The following KCNH8 variants were observed in gnomAD, a reference collection of about 807,000 sequenced individuals.
KCNH8 encodes potassium voltage-gated channel subfamily H member 8, also known as voltage-gated delayed rectifier potassium channel KCNH8.
A neutral mutation model predicts 103.6 loss-of-function variants in KCNH8; 70 were observed. The ratio of observed to expected loss-of-function variants is 0.68; its 90% confidence interval spans 0.56 to 0.82. The LOEUF is 0.82. Ranked by LOEUF, KCNH8 falls within the 40% of genes least tolerant of loss-of-function variation. The pLI is 0.00. For synonymous variants in KCNH8, 498 were observed against 489.4 expected (o/e 1.02, Z -0.23); for missense variants, 1,217 against 1,329.9 (o/e 0.92, Z 1.32).
At chr3:19,163,845 T>G in intron 1 of KCNH8, among the ~76,000 whole-genome samples, 1 of 152,218 alleles carries the variant, frequency 6.6e-6, no homozygotes, top group East Asian at 1.9e-4. Flanking sequence ...ATAGTAAATC[T>G]ATTTTCTCTT....
At chr3:19,457,443 T>C (rs777209393) in intron 11 of KCNH8, among the ~76,000 whole-genome samples, 3 of 152,042 alleles carry the variant, frequency 2.0e-5, no homozygotes, top group African/African-American at 4.8e-5. Flanking sequence ...TGAGTAAATA[T>C]GCATAAAAGG....
At chr3:19,236,286 G>A (rs1313052751) in intron 1 of KCNH8, among the ~76,000 whole-genome samples, 1 of 152,162 alleles carries the variant, frequency 6.6e-6, no homozygotes, top group Non-Finnish European at 1.5e-5. Flanking sequence ...CTCCGTGTGG[G>A]GGTGGGTACA....
chr3:19,207,278 G>T (rs1471934510), intron 1 of KCNH8, among the ~76,000 whole-genome samples: 1 of 151,856 alleles, frequency 6.6e-6, no homozygotes, highest in Non-Finnish European at 1.5e-5. Context: ...CATTCAAATA[G>T]GAAATAAAAT....
intron 1 of KCNH8, among the ~76,000 whole-genome samples, chr3:19,177,099 A>G (rs2063408036): frequency 6.6e-6 from 1 of 152,106 alleles, no homozygotes; most frequent in Non-Finnish European, 1.5e-5. Flanking sequence ...TCAGCATTAT[A>G]CTTCTGAGCC....
intron 7 of KCNH8, among the ~76,000 whole-genome samples, chr3:19,426,394 A>G (rs1235594154): frequency 6.6e-6 from 1 of 151,964 alleles, no homozygotes; most frequent in East Asian, 1.9e-4. Flanking sequence ...CCAAATTAGT[A>G]GGTCAAGACT....
intron 3 of KCNH8, among the ~76,000 whole-genome samples, chr3:19,301,126 A>C (rs961623477): frequency 4.0e-5 from 6 of 151,564 alleles, no homozygotes; most frequent in African/African-American, 1.4e-4. Context: ...CAAAGCTAAA[A>C]AGTGGCAAAG....
chr3:19,393,449 T>G (rs897211659), intron 6 of KCNH8, among the ~76,000 whole-genome samples: 1 of 152,080 alleles, frequency 6.6e-6, no homozygotes, highest in African/African-American at 2.4e-5. Flanking sequence ...CTACATTCTT[T>G]GCTCAAACAT....
chr3:19,228,944 T>G (rs188326381), intron 1 of KCNH8, among the ~76,000 whole-genome samples: 1 of 152,386 alleles, frequency 6.6e-6, no homozygotes, highest in African/African-American at 2.4e-5. Flanking sequence ...CTGCAAGTCA[T>G]GCAGCGAAGC....
chr3:19,312,020 A>G (rs370650284), intron 3 of KCNH8, among the ~76,000 whole-genome samples: 1 of 151,926 alleles, frequency 6.6e-6, no homozygotes, highest in South Asian at 2.1e-4. Context: ...CCTTTCTCAA[A>G]CTCTTTCTTC....
intron 11 of KCNH8, among the ~76,000 whole-genome samples, chr3:19,486,478 C>G (rs1317354179): frequency 6.6e-6 from 1 of 152,174 alleles, no homozygotes; most frequent in East Asian, 1.9e-4. Context: ...CTGCCAGGGC[C>G]CTTAGACATG....
Position 19,513,016 on chromosome 3 carries a change from TTGTGGAAGA to T in KCNH8, c.2129_2137del (p.Val710_Asp712del), listed in dbSNP as rs2068809580. On this transcript the variant is annotated inframe_deletion, in exon 13 of 16. Transcript: ENST00000328405. The stretch of plus-strand genomic sequence containing the variant: ...AACATCAACAAGCGACTCCCATCCA[TTGTGGAAGA>T]TGAGGAAGAGGAGGAGGAGGGGGAG... The T allele has an allele frequency of 6.2e-7, 1 of 1,613,472 alleles. No homozygotes were observed. The highest frequency in any genetic ancestry group is 1.3e-5 in the African/African-American group (1 of 74,856).
At chr3:19,339,982 A>G (rs1337014491) in intron 3 of KCNH8, among the ~76,000 whole-genome samples, 1 of 152,092 alleles carries the variant, frequency 6.6e-6, no homozygotes, top group Non-Finnish European at 1.5e-5. Flanking sequence ...CTCAAGACCT[A>G]TCTGACTTCA....
intron 1 of KCNH8, among the ~76,000 whole-genome samples, chr3:19,239,684 A>AT: frequency 2.0e-5 from 3 of 151,656 alleles, no homozygotes; most frequent in Admixed American, 6.6e-5. Context: ...CTATCTATCT[A>AT]CCTACCTACC....
chr3:19,218,149 A>AT (rs944639395), intron 1 of KCNH8, among the ~76,000 whole-genome samples: 23 of 151,918 alleles, frequency 1.5e-4, no homozygotes, highest in Middle Eastern at 3.4e-3. Context: ...TGAGACCAGG[A>AT]TTTTTTTTTA....
intron 5 of KCNH8, among the ~76,000 whole-genome samples, chr3:19,387,459 C>G (rs1286192362): frequency 6.6e-6 from 1 of 152,090 alleles, no homozygotes; most frequent in Non-Finnish European, 1.5e-5. Flanking sequence ...AGTAGTCCAC[C>G]TGAGAGGATG....
intron 1 of KCNH8, among the ~76,000 whole-genome samples, chr3:19,188,077 T>C (rs2063519011): frequency 6.6e-6 from 1 of 152,104 alleles, no homozygotes; most frequent in African/African-American, 2.4e-5. Context: ...ACATGTTTTT[T>C]GTTAATAAAG....
chr3:19,200,903 A>G (rs1025676033), intron 1 of KCNH8, among the ~76,000 whole-genome samples: 1 of 152,050 alleles, frequency 6.6e-6, no homozygotes, highest in Admixed American at 6.6e-5. Flanking sequence ...AAGTATGTAA[A>G]AAAAATTATA....
chr3:19,399,926 T>TA (rs985275168), intron 7 of KCNH8, among the ~76,000 whole-genome samples: 3 of 151,856 alleles, frequency 2.0e-5, no homozygotes, highest in Non-Finnish European at 4.4e-5. Flanking sequence ...GAACATGAGC[T>TA]AAGGTAGCCC....
chr3:19,221,924 T>G (rs2063879933), intron 1 of KCNH8, among the ~76,000 whole-genome samples: 1 of 152,086 alleles, frequency 6.6e-6, no homozygotes, highest in Non-Finnish European at 1.5e-5. Context: ...GTTGGCTCAC[T>G]GCAACCTCTG....
Sources: allele counts gnomAD v4.1 joint callset (sites outside exome capture counted in the v4.1 genomes callset), GRCh38; gene constraint gnomAD v4.1.1; transcripts MANE v1.5; gene names NCBI Gene and HGNC (gene_info 2026-07-23, HGNC 2026-07-21).